Variants in AGBL4 observed in about 807,000 individuals in gnomAD.
AGBL4 encodes the protein AGBL carboxypeptidase 4, also known as cytosolic carboxypeptidase 6.
AGBL4 carries 58 observed loss-of-function variants against 66.4 expected under a neutral mutation model. That is an observed-to-expected ratio of 0.87 (90% CI 0.71 to 1.09). The LOEUF (loss-of-function observed/expected upper bound fraction) is 1.09. Among genes scored for constraint, AGBL4 ranks in the 50% least tolerant of loss-of-function variants. The probability of loss-of-function intolerance (pLI) is 0.00; values close to 1 mark genes in which losing one functional copy is unlikely to be tolerated. For missense variants in AGBL4, 579 were observed against 631.0 expected, an observed-to-expected ratio of 0.92 and a Z score of 0.88; for synonymous variants, 234 against 222.9, an observed-to-expected ratio of 1.05 and a Z score of -0.44.
chr1:48,803,771 C>T (rs1645860867), intron 6 of AGBL4, among the ~76,000 whole-genome samples: 1 of 152,156 alleles, frequency 6.6e-6, no homozygotes, highest in Non-Finnish European at 1.5e-5. Context: ...CTATGCTTTA[C>T]CCTCTTTCTT....
intron 1 of AGBL4, among the ~76,000 whole-genome samples, chr1:49,949,351 A>T (rs1162466218): frequency 6.6e-6 from 1 of 151,880 alleles, no homozygotes; most frequent in Non-Finnish European, 1.5e-5. Flanking sequence ...TGCAATAAAA[A>T]CAAAGATAAA....
chr1:48,904,825 T>C (rs1412582295), intron 5 of AGBL4, among the ~76,000 whole-genome samples: 3 of 152,178 alleles, frequency 2.0e-5, no homozygotes, highest in African/African-American at 7.2e-5. Flanking sequence ...ATTACCAACA[T>C]AGAAAAACTT....
At chr1:49,098,890 T>C (rs979278047) in intron 4 of AGBL4, among the ~76,000 whole-genome samples, 3 of 152,210 alleles carry the variant, frequency 2.0e-5, no homozygotes, top group African/African-American at 7.2e-5. Context: ...TGCAATCCAA[T>C]GGTTTTCTGT....
At chr1:49,509,098 A>T (rs1410667076) in intron 3 of AGBL4, among the ~76,000 whole-genome samples, 4 of 151,842 alleles carry the variant, frequency 2.6e-5, no homozygotes, top group African/African-American at 4.8e-5. Flanking sequence ...CAAATGGGAG[A>T]AGACACTTCA....
chr1:48,689,374 C>CACCTAACT (rs538785304), intron 6 of AGBL4, among the ~76,000 whole-genome samples: 72 of 150,300 alleles, frequency 4.8e-4, no homozygotes, highest in African/African-American at 1.7e-3. Flanking sequence ...GGATGACGGT[C>CACCTAACT]ACCTACCTAC....
At chr1:49,096,150 C>T (rs1275297724) in intron 4 of AGBL4, among the ~76,000 whole-genome samples, 13 of 151,770 alleles carry the variant, frequency 8.6e-5, no homozygotes, top group African/African-American at 2.9e-4. Flanking sequence ...TACCATCTCA[C>T]ACCAGTTAGA....
chr1:48,646,681 T>G (rs1645842060), intron 8 of AGBL4, among the ~76,000 whole-genome samples: 1 of 152,064 alleles, frequency 6.6e-6, no homozygotes, highest in South Asian at 2.1e-4. Context: ...TCAAAAACCC[T>G]CCTTCATCAC....
At chr1:49,697,894 G>A (rs1308878351) in intron 2 of AGBL4, among the ~76,000 whole-genome samples, 1 of 152,110 alleles carries the variant, frequency 6.6e-6, no homozygotes, top group Non-Finnish European at 1.5e-5. Flanking sequence ...TTTGTACTGA[G>A]CTTCTTATAT....
chr1:49,479,334 G>A (rs1349758820), intron 3 of AGBL4, among the ~76,000 whole-genome samples: 2 of 151,746 alleles, frequency 1.3e-5, no homozygotes, highest in South Asian at 2.1e-4. Flanking sequence ...TACATGTGCA[G>A]TATGTGCGGG....
chr1:49,261,896 C>G (rs1369222798), intron 3 of AGBL4, among the ~76,000 whole-genome samples: 1 of 149,720 alleles, frequency 6.7e-6, no homozygotes, highest in Non-Finnish European at 1.5e-5. Flanking sequence ...ATCACGCTAC[C>G]TGACTTCAAA....
intron 2 of AGBL4, among the ~76,000 whole-genome samples, chr1:49,718,347 A>T (rs1392445167): frequency 6.6e-6 from 1 of 152,018 alleles, no homozygotes; most frequent in African/African-American, 2.4e-5. Context: ...TTCTGCCATG[A>T]TTGCTGCAGA....
At chr1:48,527,842 A>G in the AGBL4 span, among the ~76,000 whole-genome samples, 1 of 152,146 alleles carries the variant, frequency 6.6e-6, no homozygotes, top group African/African-American at 2.4e-5. Flanking sequence ...CGTGAAAGAC[A>G]CAAAAGTCGG....
intron 6 of AGBL4, chr1:48,776,757 G>A (rs1449613837): frequency 3.3e-6 from 5 of 1,527,486 alleles, no homozygotes; most frequent in Non-Finnish European, 4.4e-6. Context: ...GCGAGCGGGG[G>A]CTGAAGTCGC....
intron 6 of AGBL4, among the ~76,000 whole-genome samples, chr1:48,835,486 A>G (rs982525392): frequency 6.6e-6 from 1 of 152,144 alleles, no homozygotes; most frequent in Non-Finnish European, 1.5e-5. Context: ...ATGAGTGCAT[A>G]TAGCAAAGGG....
intron 5 of AGBL4, among the ~76,000 whole-genome samples, chr1:49,016,333 C>T (rs1393974948): frequency 6.6e-6 from 1 of 152,138 alleles, no homozygotes; most frequent in Non-Finnish European, 1.5e-5. Flanking sequence ...TTCAGGGTTT[C>T]TGACAGGATG....
Position 49,259,699 on chromosome 1 carries a change from A to T in AGBL4, c.283-13835T>A, listed in dbSNP as rs1293721146. On this transcript the variant is annotated intron_variant, in intron 3 of 13. Coordinates refer to ENST00000371839, the MANE Select transcript of AGBL4 (RefSeq NM_032785.4). ...ACAAAGAGACTTAGACTCCCACACA[A>T]TAATAATGGGAGACTTTAACACCCC... Among the ~76,000 whole-genome samples the T allele has an allele frequency of 1.3e-3, 157 of 122,482 alleles. 1 individual carries two copies. The highest frequency in any genetic ancestry group is 4.2e-3 in the African/African-American group (135 of 32,102). The allele number at this position is 122,482 out of a possible 152,430, so 80.4% of individuals were successfully genotyped here.
chr1:49,342,872 C>T (rs1378486411), intron 3 of AGBL4, among the ~76,000 whole-genome samples: 2 of 152,092 alleles, frequency 1.3e-5, no homozygotes, highest in South Asian at 2.1e-4. Flanking sequence ...ATCTTGTACA[C>T]CCGTGGTTAA....
intron 2 of AGBL4, among the ~76,000 whole-genome samples, chr1:49,766,558 G>A (rs1652745926): frequency 6.6e-6 from 1 of 151,600 alleles, no homozygotes. Context: ...CTTCACAATA[G>A]GATCAAAACC....
Position 49,055,525 on chromosome 1 carries a change from A to G in AGBL4, c.378-9725T>C, listed in dbSNP as rs1401138026. On this transcript the variant is annotated intron_variant, in intron 4 of 13. Coordinates refer to ENST00000371839, the MANE Select transcript of AGBL4 (RefSeq NM_032785.4). ...TAATTGAATGCATCAACAGTTTCAA[A>G]CTTATTCATCATAATATATAACTCT... Among the ~76,000 whole-genome samples, 4 of 152,058 alleles carry G rather than the reference A, an allele frequency of 2.6e-5. No homozygotes were observed. In the East Asian group the frequency reaches 7.7e-4, roughly 29 times the overall value.
Sources: allele counts gnomAD v4.1 joint callset (sites outside exome capture counted in the v4.1 genomes callset), GRCh38; gene constraint gnomAD v4.1.1; transcripts MANE v1.5; gene names NCBI Gene and HGNC (gene_info 2026-07-23, HGNC 2026-07-21).